Variants in ZNF385D observed in about 807,000 individuals in gnomAD.
ZNF385D encodes zinc finger protein 659.
In ZNF385D, 15 loss-of-function variants were observed where a neutral mutation model predicts 35.8. The ratio of observed to expected loss-of-function variants is 0.42; its 90% confidence interval spans 0.28 to 0.64. ZNF385D has a LOEUF of 0.64. Among genes scored for constraint, ZNF385D ranks in the 30% least tolerant of loss-of-function variants. ZNF385D has a pLI of 0.23. For synonymous variants in ZNF385D, 212 were observed against 186.8 expected, an observed-to-expected ratio of 1.13 and a Z score of -1.10; for missense variants, 474 against 494.6, an observed-to-expected ratio of 0.96 and a Z score of 0.39.
intron 3 of ZNF385D, among the ~76,000 whole-genome samples, chr3:22,105,773 T>C (rs965976127): frequency 9.9e-5 from 15 of 152,144 alleles, no homozygotes; most frequent in African/African-American, 3.6e-4. Flanking sequence ...TCTGCTTTAC[T>C]CAGTCCAATT....
rs1029461530 is a variant in ZNF385D, at chr3:21,966,873, C to T, written c.325+201944G>A. On this transcript the variant is annotated intron_variant, in intron 3 of 5. Coordinates refer to the ZNF385D transcript ENST00000494108. Reference sequence around the variant, plus strand: ...AAGGATTATAGGGATTATAGCGCTGCGATTATGGGCTTGAGCCACAGCCCC... The same window carrying T: ...AAGGATTATAGGGATTATAGCGCTGTGATTATGGGCTTGAGCCACAGCCCC... Among the ~76,000 whole-genome samples the T allele has an allele frequency of 1.4e-4, 21 of 152,256 alleles. No individual in the cohort carries two copies. The East Asian group carries it at 1.5e-3, about 11-fold the overall frequency.
chr3:21,806,464 C>G (rs2072653013), intron 3 of ZNF385D, among the ~76,000 whole-genome samples: 1 of 152,052 alleles, frequency 6.6e-6, no homozygotes, highest in Non-Finnish European at 1.5e-5. Flanking sequence ...CTCGGCCTCC[C>G]AGAGTGCTGG....
chr3:21,838,515 G>A (rs945903954), intron 3 of ZNF385D, among the ~76,000 whole-genome samples: 13 of 151,988 alleles, frequency 8.6e-5, no homozygotes, highest in Non-Finnish European at 1.5e-4. Flanking sequence ...ATATCACACC[G>A]ACACTCTAAG....
intron 2 of ZNF385D, among the ~76,000 whole-genome samples, chr3:21,601,265 C>G (rs933356866): frequency 6.6e-6 from 1 of 152,152 alleles, no homozygotes; most frequent in Non-Finnish European, 1.5e-5. Flanking sequence ...CTTTATAAAG[C>G]AGATGTTAAA....
chr3:21,544,269 T>C (rs569799723), intron 3 of ZNF385D, among the ~76,000 whole-genome samples: 70 of 152,330 alleles, frequency 4.6e-4, no homozygotes, highest in African/African-American at 1.6e-3. Flanking sequence ...TGGGGACATA[T>C]GGAACTAACC....
chr3:21,633,945 T>C (rs1470693960), intron 2 of ZNF385D, among the ~76,000 whole-genome samples: 4 of 152,116 alleles, frequency 2.6e-5, no homozygotes, highest in African/African-American at 9.6e-5. Flanking sequence ...TCTGTAATCC[T>C]AGCACTTTGG....
chr3:21,618,494 G>A (rs921930150), intron 2 of ZNF385D, among the ~76,000 whole-genome samples: 1 of 152,102 alleles, frequency 6.6e-6, no homozygotes, highest in African/African-American at 2.4e-5. Flanking sequence ...TCATCGTGTG[G>A]TAATTTGTTA....
chr3:22,346,830 T>C (rs1432892310), intron 2 of ZNF385D, among the ~76,000 whole-genome samples: 1 of 152,118 alleles, frequency 6.6e-6, no homozygotes, highest in Non-Finnish European at 1.5e-5. Context: ...AAACTACCAC[T>C]TTTGCCTACT....
chr3:21,648,168 T>G lies in ZNF385D; in HGVS notation c.165+16718A>C, dbSNP rs115279391. ...GTCAAGGGAGAGACCCAGTGGGAGT[T>G]GATTGGATCATGAGGGGCGGGTTTC... On this transcript the variant is annotated intron_variant, in intron 2 of 7. Transcript: ENST00000281523. Among the ~76,000 whole-genome samples, 1,516 of 152,236 alleles carry G rather than the reference T, an allele frequency of 1.0e-2. 23 individuals carry two copies. The highest frequency in any genetic ancestry group is 0.034 in the African/African-American group (1,428 of 41,538).
intron 3 of ZNF385D, among the ~76,000 whole-genome samples, chr3:21,863,264 C>A (rs569731792): frequency 6.6e-6 from 1 of 152,214 alleles, no homozygotes; most frequent in South Asian, 2.1e-4. Context: ...TCATTTGTCT[C>A]ATTCGTTTAA....
intron 4 of ZNF385D, among the ~76,000 whole-genome samples, chr3:21,479,550 A>C (rs1281839649): frequency 6.6e-6 from 1 of 152,202 alleles, no homozygotes; most frequent in Non-Finnish European, 1.5e-5. Context: ...ATTTCTTTGT[A>C]TGGCAAAGGT....
chr3:21,720,699 A>G (rs527559131), intron 1 of ZNF385D, among the ~76,000 whole-genome samples: 10 of 152,310 alleles, frequency 6.6e-5, no homozygotes, highest in African/African-American at 2.2e-4. Context: ...TGACTTGGAG[A>G]AGTCATCAAG....
At chr3:21,805,338 T>G (rs1001866916) in intron 3 of ZNF385D, among the ~76,000 whole-genome samples, 1 of 152,206 alleles carries the variant, frequency 6.6e-6, no homozygotes, top group Non-Finnish European at 1.5e-5. Flanking sequence ...GTTGTAAATC[T>G]GGGTGCTTAG....
At chr3:21,461,143 A>G (rs1323839945) in intron 4 of ZNF385D, among the ~76,000 whole-genome samples, 1 of 152,224 alleles carries the variant, frequency 6.6e-6, no homozygotes, top group Admixed American at 6.5e-5. Context: ...GAGGTGAGAA[A>G]GGAATGCAAA....
chr3:21,775,163 G>GA (rs1200109513), intron 3 of ZNF385D, among the ~76,000 whole-genome samples: 3 of 151,970 alleles, frequency 2.0e-5, no homozygotes, highest in African/African-American at 7.2e-5. Context: ...AGTACTCATG[G>GA]AAAATCAAGT....
chr3:22,364,970 T>A (rs1044691902), intron 2 of ZNF385D, among the ~76,000 whole-genome samples: 1 of 151,810 alleles, frequency 6.6e-6, no homozygotes, highest in African/African-American at 2.4e-5. Context: ...AATCAAGTTA[T>A]GTGAAATAAG....
At chr3:21,498,776 T>G (rs2125430859) in intron 4 of ZNF385D, among the ~76,000 whole-genome samples, 1 of 151,920 alleles carries the variant, frequency 6.6e-6, no homozygotes, top group East Asian at 1.9e-4. Flanking sequence ...ACCCCGTCTC[T>G]ACTAAAAATA....
intron 2 of ZNF385D, among the ~76,000 whole-genome samples, chr3:21,650,171 A>G (rs2065869007): frequency 6.6e-6 from 1 of 152,206 alleles, no homozygotes; most frequent in South Asian, 2.1e-4. Context: ...GAGTAAAAGC[A>G]CAGTATAAAG....
rs1047531855 is a variant in ZNF385D at position 21,417,566 on chromosome 3, C to T, written c.*3648G>A. ...TTTCTTCAGAACAATTGAAACATTACACTGGTACAAAGACAAAGATATTAA... is the reference window on the plus strand; with the variant it reads ...TTTCTTCAGAACAATTGAAACATTATACTGGTACAAAGACAAAGATATTAA... On this transcript the variant is annotated 3_prime_UTR_variant, in exon 8 of 8. Coordinates refer to ENST00000281523, the MANE Select transcript of ZNF385D (RefSeq NM_024697.3). 5.9e-5 allele frequency: 9 copies of T among 152,216 alleles called. No individual in the cohort carries two copies. The highest frequency in any genetic ancestry group is 2.1e-4 in the South Asian group (1 of 4,818). The allele number at this position is 152,216 out of a possible 1,614,324, so 9.4% of individuals were successfully genotyped here.
Sources: gnomAD v4.1 joint callset for allele counts (sites outside exome capture counted in the v4.1 genomes callset) on GRCh38, gnomAD v4.1.1 for gene constraint, MANE v1.5 for transcripts, NCBI Gene and HGNC (gene_info 2026-07-23, HGNC 2026-07-21) for gene names.